Variants in CFAP299 observed in about 807,000 individuals in gnomAD.
The protein encoded by CFAP299 is cilia- and flagella-associated protein 299.
CFAP299 carries 21 observed loss-of-function variants against 27.0 expected under a neutral mutation model. That is an observed-to-expected ratio of 0.78 (90% CI 0.55 to 1.12). The LOEUF is 1.12. CFAP299 is among the 50% of genes most tolerant of loss of function. The pLI, the probability that CFAP299 is intolerant of heterozygous loss-of-function variation, is 0.00. For missense variants in CFAP299, 310 were observed against 276.6 expected (o/e 1.12, Z -0.86); for synonymous variants, 104 against 98.1 (o/e 1.06, Z -0.36).
intron 3 of CFAP299, among the ~76,000 whole-genome samples, chr4:80,694,032 T>C (rs2110019996): frequency 6.6e-6 from 1 of 152,288 alleles, no homozygotes; most frequent in South Asian, 2.1e-4. Context: ...AAATCTTCTC[T>C]TTGTAAAATT....
chr4:80,645,125 T>A (rs1577969612), intron 3 of CFAP299, among the ~76,000 whole-genome samples: 1 of 152,120 alleles, frequency 6.6e-6, no homozygotes, highest in East Asian at 1.9e-4. Flanking sequence ...TTTCTCAGGC[T>A]AAACTCCTGG....
chr4:80,484,572 A>T (rs1730719007), intron 2 of CFAP299, among the ~76,000 whole-genome samples: 1 of 152,174 alleles, frequency 6.6e-6, no homozygotes, highest in South Asian at 2.1e-4. Flanking sequence ...GAATAATTGA[A>T]TAGATCATAT....
At chr4:80,466,184 T>A (rs1334465115) in intron 2 of CFAP299, among the ~76,000 whole-genome samples, 1 of 152,234 alleles carries the variant, frequency 6.6e-6, no homozygotes, top group Non-Finnish European at 1.5e-5. Flanking sequence ...ATAGCTTTGA[T>A]GTAATGTCAC....
intron 2 of CFAP299, among the ~76,000 whole-genome samples, chr4:80,523,204 T>A (rs1294389132): frequency 6.6e-6 from 1 of 152,156 alleles, no homozygotes; most frequent in Non-Finnish European, 1.5e-5. Flanking sequence ...TTTGCCTCCT[T>A]GGTTAAGTTT....
chr4:80,664,042 T>C (rs1410155929), intron 3 of CFAP299, among the ~76,000 whole-genome samples: 1 of 152,210 alleles, frequency 6.6e-6, no homozygotes, highest in Non-Finnish European at 1.5e-5. Context: ...TAGCCCTTTG[T>C]CAGATGAATA....
At chr4:80,909,438 T>A (rs1735359216) in intron 4 of CFAP299, among the ~76,000 whole-genome samples, 1 of 152,054 alleles carries the variant, frequency 6.6e-6, no homozygotes, top group Admixed American at 6.6e-5. Flanking sequence ...AAATCTAGTA[T>A]CTTATGATTA....
chr4:80,707,982 T>C (rs527295547), intron 3 of CFAP299, among the ~76,000 whole-genome samples: 1 of 152,130 alleles, frequency 6.6e-6, no homozygotes, highest in South Asian at 2.1e-4. Flanking sequence ...GCAACACAAA[T>C]CAGGAACTTT....
At chr4:80,847,089 G>A (rs1311881104) in intron 3 of CFAP299, among the ~76,000 whole-genome samples, 2 of 152,284 alleles carry the variant, frequency 1.3e-5, no homozygotes, top group South Asian at 2.1e-4. Context: ...CCACCCACAA[G>A]CATAGTATAG....
chr4:80,407,200 C>A (rs186047778), intron 2 of CFAP299, among the ~76,000 whole-genome samples: 285 of 152,060 alleles, frequency 1.9e-3, no homozygotes, highest in Non-Finnish European at 2.7e-3. Flanking sequence ...TAATAAAAGC[C>A]AACAGAGTAT....
chr4:80,906,644 C>T (rs1046639544), intron 4 of CFAP299, among the ~76,000 whole-genome samples: 3 of 152,208 alleles, frequency 2.0e-5, no homozygotes, highest in African/African-American at 7.2e-5. Flanking sequence ...TGCACACCTG[C>T]AGGACCATCA....
chr4:80,619,515 TTA>T (rs1738466217), intron 3 of CFAP299, among the ~76,000 whole-genome samples: 1 of 152,088 alleles, frequency 6.6e-6, no homozygotes, highest in Non-Finnish European at 1.5e-5. Context: ...AAACATAAAT[TTA>T]TTATATGTTG....
chr4:80,659,808 T>A (rs1477822600), intron 3 of CFAP299, among the ~76,000 whole-genome samples: 1 of 152,130 alleles, frequency 6.6e-6, no homozygotes, highest in Non-Finnish European at 1.5e-5. Flanking sequence ...TGCATGAATT[T>A]ATTTCAAGGT....
At chr4:80,485,805 C>A (rs552308354) in intron 2 of CFAP299, among the ~76,000 whole-genome samples, 1 of 152,084 alleles carries the variant, frequency 6.6e-6, no homozygotes, top group South Asian at 2.1e-4. Flanking sequence ...TTTTCACATA[C>A]GTAGTAAAGG....
intron 3 of CFAP299, among the ~76,000 whole-genome samples, chr4:80,799,790 A>G (rs554419253): frequency 2.7e-5 from 1 of 36,520 alleles, no homozygotes; most frequent in Non-Finnish European, 4.1e-5. Context: ...TATATTATAT[A>G]TTATATTATA....
intron 2 of CFAP299, among the ~76,000 whole-genome samples, chr4:80,567,914 T>C (rs1242687788): frequency 6.6e-6 from 1 of 151,704 alleles, no homozygotes; most frequent in African/African-American, 2.4e-5. Context: ...CCTAATACAA[T>C]GTATATTTGA....
In CFAP299 at chr4:80,590,094, A is replaced by T. The variant is rs538047793; in HGVS notation, c.333+6911A>T. 3.9e-5 allele frequency among the ~76,000 whole-genome samples: 6 copies of T among 152,310 alleles called. No individual in the cohort carries two copies. The East Asian group carries it at 1.2e-3, about 29-fold the overall frequency. On this transcript the variant is annotated intron_variant, in intron 3 of 5. Coordinates refer to ENST00000358105, the MANE Select transcript of CFAP299 (RefSeq NM_152770.3). ...CCATTCTTACAATGGGATATTATAC[A>T]GGAATTAATGCAAAAAATATAGGTA...
intron 2 of CFAP299, among the ~76,000 whole-genome samples, chr4:80,557,444 A>C (rs1391516845): frequency 6.6e-6 from 1 of 152,092 alleles, no homozygotes; most frequent in Non-Finnish European, 1.5e-5. Flanking sequence ...TTAACAGTAC[A>C]AGCATTAGTT....
intron 2 of CFAP299, among the ~76,000 whole-genome samples, chr4:80,444,075 A>T (rs1728496132): frequency 6.6e-6 from 1 of 152,202 alleles, no homozygotes; most frequent in Non-Finnish European, 1.5e-5. Flanking sequence ...GGATAGGAAA[A>T]ATCAATATTG....
At chr4:80,460,860 G>A (rs1484811966) in intron 2 of CFAP299, among the ~76,000 whole-genome samples, 1 of 152,118 alleles carries the variant, frequency 6.6e-6, no homozygotes, top group Non-Finnish European at 1.5e-5. Context: ...CTTATTCTGA[G>A]CCAAATATGA....
Sources: gnomAD v4.1 joint callset for allele counts (sites outside exome capture counted in the v4.1 genomes callset) on GRCh38, gnomAD v4.1.1 for gene constraint, MANE v1.5 for transcripts, NCBI Gene and HGNC (gene_info 2026-07-23, HGNC 2026-07-21) for gene names.